PKHD1: variants seen among roughly 807,000 people sequenced by gnomAD.
PKHD1 encodes the protein fibrocystin.
In PKHD1, 291 loss-of-function variants were observed where a neutral mutation model predicts 412.0. The observed-to-expected ratio is 0.71, with a 90% CI of 0.64 to 0.78. The LOEUF (loss-of-function observed/expected upper bound fraction) is 0.78. Among genes scored for constraint, PKHD1 ranks in the 30% least tolerant of loss-of-function variants. The pLI, the probability that PKHD1 is intolerant of heterozygous loss-of-function variation, is 0.00. For synonymous variants in PKHD1, 1,777 were observed against 1,821.5 expected, an observed-to-expected ratio of 0.98 and a Z score of 0.62; for missense variants, 4,825 against 4,950.7, an observed-to-expected ratio of 0.97 and a Z score of 0.76.
chr6:52,062,661 C>T lies in PKHD1; in HGVS notation c.977-1G>A, dbSNP rs1808864196. On this transcript the variant is annotated splice_acceptor_variant, in intron 13 of 66. Transcript: ENST00000371117. LOFTEE classifies it high-confidence loss of function. ...ACTTCAAAAAGAAGCCCTCGATTGC[C>T]TGTAAGACATGTAGATCGCATAAAC... 1 of 1,613,982 alleles carries T rather than the reference C, an allele frequency of 6.2e-7. No homozygotes were observed. The highest frequency in any genetic ancestry group is 8.5e-7 in the Non-Finnish European group (1 of 1,179,970).
chr6:51,909,164 C>A, intron 40 of PKHD1, 119 bp downstream of exon 40: 7 of 811,682 alleles, frequency 8.6e-6, no homozygotes, highest in Non-Finnish European at 1.5e-5. Context: ...TAGAATATAA[C>A]AATTATCCAT....
Position 51,645,502 on chromosome 6 carries a change from C to T in PKHD1, c.11398+2529G>A, listed in dbSNP as rs2019479. Among the ~76,000 whole-genome samples, 205 of 152,262 alleles carry T rather than the reference C, an allele frequency of 1.3e-3. 1 individual carries two copies. Among genetic ancestry groups the T allele is most frequent in the African/African-American group, 4.7e-3 (196 of 41,552 alleles). On this transcript the variant is annotated intron_variant, in intron 63 of 66. Coordinates refer to ENST00000371117, the MANE Select transcript of PKHD1 (RefSeq NM_138694.4). ...CTGCCTCCTGGGTTCAAGTGATTCTCGTGCCTCCGCTTCCCAAGTAGCTGG... is the reference window on the plus strand; with the variant it reads ...CTGCCTCCTGGGTTCAAGTGATTCTTGTGCCTCCGCTTCCCAAGTAGCTGG...
rs1779509575 is a variant in PKHD1 at position 51,702,176 on chromosome 6, T to A, written c.10157-42207A>T. 2.1e-5 allele frequency among the ~76,000 whole-genome samples: 3 copies of A among 146,076 alleles called. No individual in the cohort carries two copies. The South Asian group carries it at 6.3e-4, about 31-fold the overall frequency. ...TATATTATATATATTATATGTATAA[T>A]ATATAATATATTATATATATTATAC... On this transcript the variant is annotated intron_variant, in intron 60 of 66. Coordinates refer to ENST00000371117, the MANE Select transcript of PKHD1 (RefSeq NM_138694.4).
rs181883866 is a variant in PKHD1, at chr6:51,853,523, G to C, written c.7911+2370C>G. 3.1e-3 allele frequency among the ~76,000 whole-genome samples: 468 copies of C among 152,288 alleles called. 6 individuals carry two copies. Among genetic ancestry groups the C allele is most frequent in the African/African-American group, 0.01 (423 of 41,574 alleles). On this transcript the variant is annotated intron_variant, in intron 49 of 66. Transcript: ENST00000371117. ...ATAATATCCTGAAGTGTGTTTTCCA[G>C]CTTTTTTCCATTCTCCCTGTCTCCT...
chr6:51,637,997 GC>G (rs1768806364), intron 64 of PKHD1, among the ~76,000 whole-genome samples: 1 of 152,030 alleles, frequency 6.6e-6, no homozygotes, highest in Non-Finnish European at 1.5e-5. Context: ...TTTTCAAAAG[GC>G]CCGTTGAAAG....
chr6:51,802,385 A>T (rs957334389), intron 52 of PKHD1, among the ~76,000 whole-genome samples: 1 of 151,624 alleles, frequency 6.6e-6, no homozygotes, highest in South Asian at 2.1e-4. Context: ...TTACCTGTAT[A>T]CATTGTTAAT....
intron 52 of PKHD1, among the ~76,000 whole-genome samples, chr6:51,796,498 C>G (rs548963679): frequency 1.3e-5 from 2 of 151,310 alleles, no homozygotes; most frequent in Non-Finnish European, 2.9e-5. Context: ...CTATGTCCTT[C>G]AGTTCAGCTC....
chr6:51,753,788 CTG>C (rs1786504616), intron 56 of PKHD1, among the ~76,000 whole-genome samples: 1 of 152,148 alleles, frequency 6.6e-6, no homozygotes, highest in Non-Finnish European at 1.5e-5. Flanking sequence ...GCAAAAGCAG[CTG>C]TGTGTAAAAG....
intron 60 of PKHD1, among the ~76,000 whole-genome samples, chr6:51,708,817 G>T (rs1433813395): frequency 6.6e-6 from 1 of 152,106 alleles, no homozygotes; most frequent in Non-Finnish European, 1.5e-5. Flanking sequence ...GGGCCAATTT[G>T]CCCATGGCTT....
At chr6:52,029,543 A>C (rs1024990649) in intron 29 of PKHD1, among the ~76,000 whole-genome samples, 2 of 152,248 alleles carry the variant, frequency 1.3e-5, no homozygotes, top group African/African-American at 4.8e-5. Flanking sequence ...TATGAATATC[A>C]GGAAAGATGG....
intron 51 of PKHD1, among the ~76,000 whole-genome samples, chr6:51,832,747 A>G (rs556451973): frequency 6.6e-6 from 1 of 152,238 alleles, no homozygotes; most frequent in African/African-American, 2.4e-5. Context: ...GTGACAAGGG[A>G]AAATACCTGA....
intron 31 of PKHD1, among the ~76,000 whole-genome samples, chr6:52,027,022 T>C (rs1367341490): frequency 6.6e-6 from 1 of 152,258 alleles, no homozygotes; most frequent in Non-Finnish European, 1.5e-5. Context: ...GGTCTATTTG[T>C]CTTGTTCTTC....
chr6:51,937,468 C>T (rs17747449), intron 36 of PKHD1, among the ~76,000 whole-genome samples: 9,992 of 152,190 alleles, frequency 0.066, 686 homozygotes, highest in Admixed American at 0.24. Flanking sequence ...TGTTTACCTC[C>T]GTCTTAGTGC....
chr6:51,991,308 T>A (rs1052806827), intron 35 of PKHD1, among the ~76,000 whole-genome samples: 6 of 152,234 alleles, frequency 3.9e-5, no homozygotes, highest in Non-Finnish European at 8.8e-5. Flanking sequence ...ACTTGGTTTA[T>A]GTGTATTGTG....
chr6:51,754,908 G>A lies in PKHD1; in HGVS notation c.8673C>T (p.Arg2891=), dbSNP rs116098879. 1.9e-6 allele frequency: 3 copies of A among 1,613,346 alleles called. No homozygotes were observed. The highest frequency in any genetic ancestry group is 3.3e-5 in the Admixed American group (2 of 59,962). The change falls in exon 56 of 67, where the codon CGC becomes CGT. Residue 2891 remains arginine, a synonymous_variant. Transcript: ENST00000371117. ...RIIVEDAVDW[R]PHDKIVLSSS... ...AGCTAAGGACTATTTTGTCATGGGG[G>A]CGCCAATCCACTGCATCTTCTACTA...
rs768138709 is a variant in PKHD1 at position 51,753,303 on chromosome 6, C to T, written c.8848G>A (p.Val2950Ile). Residue 2950 changes from valine to isoleucine, a missense_variant, in exon 57 of 67, where the codon GTT becomes ATT. Coordinates refer to ENST00000371117, the MANE Select transcript of PKHD1 (RefSeq NM_138694.4). Reference sequence around the variant, plus strand: ...TGTATATTTCGGGTCAACAGTCCAACCTCAGCAGCCAAACGAATGTGTCGG... The same window carrying T: ...TGTATATTTCGGGTCAACAGTCCAATCTCAGCAGCCAAACGAATGTGTCGG... ...DGRHIRLAAE[V>I]GLLTRNIQIQ... is the part of the protein sequence containing the mutation. 81 of 1,613,656 alleles carry T rather than the reference C, an allele frequency of 5.0e-5. 1 individual carries two copies. The Middle Eastern group carries it at 1.5e-3, about 29-fold the overall frequency.
chr6:51,835,742 T>C (rs188671683), intron 51 of PKHD1, among the ~76,000 whole-genome samples: 2 of 152,348 alleles, frequency 1.3e-5, no homozygotes, highest in Admixed American at 1.3e-4. Flanking sequence ...TCTTACCTCA[T>C]TTACCTATTA....
intron 65 of PKHD1, among the ~76,000 whole-genome samples, chr6:51,628,156 T>C (rs952471777): frequency 6.6e-6 from 1 of 152,158 alleles, no homozygotes; most frequent in Admixed American, 6.6e-5. Flanking sequence ...GGGTTTGGTG[T>C]ACAAATGATT....
rs1810538129 is a variant in PKHD1 at position 52,071,046 on chromosome 6, A to G, written c.627T>C (p.Gly209=). 6.2e-7 allele frequency: 1 copy of G among 1,606,734 alleles called. No individual in the cohort carries two copies. The highest frequency in any genetic ancestry group is 1.1e-5 in the South Asian group (1 of 90,922). Residue 209 remains glycine (G), a synonymous_variant, in exon 9 of 67, where the codon GGT becomes GGC. Transcript: ENST00000371117. ...GSCYPIQEDH[G]LGTLQCHVEG... Reference sequence around the variant, plus strand: ...CCACATGGCACTGCAGAGTCCCAAGACCATGGTCCTCCTGAATAGGATAAC... The same window carrying G: ...CCACATGGCACTGCAGAGTCCCAAGGCCATGGTCCTCCTGAATAGGATAAC...
Sources: gnomAD v4.1 joint callset for allele counts (sites outside exome capture counted in the v4.1 genomes callset) on GRCh38, gnomAD v4.1.1 for gene constraint, MANE v1.5 for transcripts, NCBI Gene and HGNC (gene_info 2026-07-23, HGNC 2026-07-21) for gene names.